Variants in SOX6 observed in about 807,000 individuals in gnomAD.
SOX6 encodes the protein SRY-box transcription factor 6, also known as transcription factor SOX-6.
A neutral mutation model predicts 97.8 loss-of-function variants in SOX6; 11 were observed. The ratio of observed to expected loss-of-function variants is 0.11; its 90% CI spans 0.07 to 0.19. The LOEUF is 0.19. Among genes scored for constraint, SOX6 ranks in the 10% least tolerant of loss-of-function variants. SOX6 has a pLI of 1.00. For missense variants in SOX6, 810 were observed against 1,039.5 expected (o/e 0.78, Z 3.04); for synonymous variants, 360 against 371.4 (o/e 0.97, Z 0.35).
intron 4 of SOX6, among the ~76,000 whole-genome samples, chr11:16,504,565 T>A (rs560861998): frequency 3.1e-5 from 4 of 128,984 alleles, no homozygotes; most frequent in African/African-American, 1.1e-4. Context: ...AAACCACTGA[T>A]GGAAAAAAAA....
At chr11:15,977,721 T>A (rs1256700705) in intron 15 of SOX6, among the ~76,000 whole-genome samples, 1 of 152,202 alleles carries the variant, frequency 6.6e-6, no homozygotes, top group African/African-American at 2.4e-5. Context: ...TTTACAATGC[T>A]GTACTTCAAA....
chr11:16,097,520 A>G (rs901077644), intron 8 of SOX6, 89 bp downstream of exon 8: 3 of 1,120,526 alleles, frequency 2.7e-6, no homozygotes, highest in African/African-American at 3.1e-5. Context: ...ATTATTTAAC[A>G]TTCAGGCCAT....
intron 4 of SOX6, among the ~76,000 whole-genome samples, chr11:16,217,725 T>C (rs1234864864): frequency 6.6e-6 from 1 of 152,166 alleles, no homozygotes; most frequent in Non-Finnish European, 1.5e-5. Context: ...CATGTGCATA[T>C]GTACAGTTTC....
intron 3 of SOX6, among the ~76,000 whole-genome samples, chr11:16,653,979 T>C (rs1201793576): frequency 6.6e-6 from 1 of 151,978 alleles, no homozygotes; most frequent in African/African-American, 2.4e-5. Context: ...AAGTCAAAAT[T>C]TATTAAATTT....
intron 3 of SOX6, among the ~76,000 whole-genome samples, chr11:16,694,395 T>C (rs921384304): frequency 2.0e-5 from 3 of 152,000 alleles, no homozygotes; most frequent in African/African-American, 7.2e-5. Context: ...TGGTGGTGCA[T>C]ACCTGTAGCC....
At chr11:16,720,983 G>A (rs528666337) in intron 2 of SOX6, among the ~76,000 whole-genome samples, 2 of 152,240 alleles carry the variant, frequency 1.3e-5, no homozygotes, top group South Asian at 2.1e-4. Flanking sequence ...ATACTGAGGA[G>A]ACCCCCAACT....
intron 4 of SOX6, among the ~76,000 whole-genome samples, chr11:16,566,151 A>G (rs1472521156): frequency 6.6e-6 from 1 of 152,082 alleles, no homozygotes; most frequent in East Asian, 1.9e-4. Flanking sequence ...GGGGGTTCCA[A>G]ATAATTTTAA....
chr11:16,421,192 A>G (rs189750314), intron 1 of SOX6, among the ~76,000 whole-genome samples: 1 of 152,182 alleles, frequency 6.6e-6, no homozygotes, highest in African/African-American at 2.4e-5. Flanking sequence ...AAATACACCA[A>G]AATAAAATAC....
At chr11:16,617,705 G>A (rs543398144) in intron 3 of SOX6, among the ~76,000 whole-genome samples, 1 of 151,850 alleles carries the variant, frequency 6.6e-6, no homozygotes, top group African/African-American at 2.4e-5. Flanking sequence ...AATAGAGTAC[G>A]AGCCTTTTAA....
intron 1 of SOX6, among the ~76,000 whole-genome samples, chr11:16,344,287 T>TTA (rs1476999434): frequency 6.6e-6 from 1 of 151,908 alleles, no homozygotes; most frequent in East Asian, 1.9e-4. Flanking sequence ...TTGAGTTTTG[T>TTA]TATAAAATGT....
At position 16,019,296 on chromosome 11, in the gene SOX6, G is replaced by C. The variant is rs1854980774; in HGVS notation, c.1624-4246C>G. Among the ~76,000 whole-genome samples, 5 of 152,136 alleles carry C rather than the reference G, an allele frequency of 3.3e-5. No homozygotes were observed. The South Asian group carries it at 6.2e-4, about 19-fold the overall frequency. ...ATATATTTCATTTAAGTACACGTCTGGTCAATGATGTGGTATATTTCATTC... is the reference window on the plus strand; with the variant it reads ...ATATATTTCATTTAAGTACACGTCTCGTCAATGATGTGGTATATTTCATTC... On this transcript the variant is annotated intron_variant, in intron 12 of 15. Coordinates refer to ENST00000683767, the MANE Select transcript of SOX6 (RefSeq NM_001367873.1).
intron 1 of SOX6, among the ~76,000 whole-genome samples, chr11:16,402,132 CA>C (rs113356937): frequency 6.6e-6 from 1 of 150,872 alleles, no homozygotes; most frequent in African/African-American, 2.4e-5. Flanking sequence ...AAAAACAAAA[CA>C]AAAAAAACAC....
At chr11:16,377,585 A>G (rs371549931) in intron 1 of SOX6, among the ~76,000 whole-genome samples, 4 of 152,272 alleles carry the variant, frequency 2.6e-5, no homozygotes, top group Non-Finnish European at 4.4e-5. Flanking sequence ...GGAAAAAAAC[A>G]TCCACTTGAA....
intron 13 of SOX6, among the ~76,000 whole-genome samples, chr11:16,013,707 C>CAT (rs1213152702): frequency 1.1e-4 from 16 of 151,682 alleles, no homozygotes; most frequent in African/African-American, 3.6e-4. Context: ...ACCTGGTCTC[C>CAT]CAAACTATCA....
chr11:16,584,486 A>G (rs543873226), intron 4 of SOX6, among the ~76,000 whole-genome samples: 6 of 152,240 alleles, frequency 3.9e-5, no homozygotes, highest in African/African-American at 1.4e-4. Context: ...CATATCATCT[A>G]TCCGTTTAGA....
At chr11:16,724,938 T>A (rs552108415) in intron 2 of SOX6, among the ~76,000 whole-genome samples, 70 of 152,340 alleles carry the variant, frequency 4.6e-4, no homozygotes, top group Non-Finnish European at 9.4e-4. Context: ...ACAGCCACTT[T>A]GGAAAACAGT....
Position 16,309,185 on chromosome 11 carries a change from C to G in SOX6, c.445+9261G>C, listed in dbSNP as rs117517598. Among the ~76,000 whole-genome samples, 22 of 152,300 alleles carry G rather than the reference C, an allele frequency of 1.4e-4. No individual in the cohort carries two copies. The East Asian group carries it at 4.2e-3, about 29-fold the overall frequency. Reference sequence around the variant, plus strand: ...CTGGGGAAATGCCCTAGAGAAGAAACTTGTTCACATGTGCATCAGAAGACA... The same window carrying G: ...CTGGGGAAATGCCCTAGAGAAGAAAGTTGTTCACATGTGCATCAGAAGACA... On this transcript the variant is annotated intron_variant, in intron 3 of 15. Coordinates refer to ENST00000683767, the MANE Select transcript of SOX6 (RefSeq NM_001367873.1).
intron 3 of SOX6, among the ~76,000 whole-genome samples, chr11:16,697,410 G>A (rs1451791965): frequency 1.3e-5 from 2 of 152,108 alleles, no homozygotes; most frequent in Non-Finnish European, 2.9e-5. Flanking sequence ...GAGGTGGGTG[G>A]ATCACCTGAG....
intron 1 of SOX6, among the ~76,000 whole-genome samples, chr11:16,392,760 A>C (rs1438504455): frequency 2.0e-5 from 3 of 152,066 alleles, no homozygotes; most frequent in African/African-American, 7.2e-5. Context: ...CTACAGATAA[A>C]AACACACCTT....
Sources: gnomAD v4.1 joint callset for allele counts (sites outside exome capture counted in the v4.1 genomes callset) on GRCh38, gnomAD v4.1.1 for gene constraint, MANE v1.5 for transcripts, NCBI Gene and HGNC (gene_info 2026-07-23, HGNC 2026-07-21) for gene names.